The following BAZ2B variants were observed in gnomAD, a reference collection of about 807,000 sequenced individuals.
BAZ2B encodes bromodomain adjacent to zinc finger domain 2B.
A neutral mutation model predicts 246.0 loss-of-function variants in BAZ2B; 91 were observed. The ratio of observed to expected loss-of-function variants is 0.37; its 90% CI spans 0.31 to 0.44. The LOEUF (loss-of-function observed/expected upper bound fraction) is 0.44, where lower values mean the gene tolerates loss of function less well. BAZ2B is among the 20% of genes least tolerant of loss of function. The pLI is 1.00. For synonymous variants in BAZ2B, 855 were observed against 860.0 expected, an observed-to-expected ratio of 0.99 and a Z score of 0.10; for missense variants, 2,332 against 2,533.7, an observed-to-expected ratio of 0.92 and a Z score of 1.71.
At chr2:159,377,812 C>CA (rs35570732) in intron 25 of BAZ2B, among the ~76,000 whole-genome samples, 53 of 94,148 alleles carry the variant, frequency 5.6e-4, no homozygotes, top group African/African-American at 1.7e-3. Flanking sequence ...ACTCTGTCTC[C>CA]AAAAAAAAAA....
At chr2:159,605,617 C>T (rs1023151704) in intron 1 of BAZ2B, among the ~76,000 whole-genome samples, 4 of 151,932 alleles carry the variant, frequency 2.6e-5, no homozygotes, top group Non-Finnish European at 2.9e-5. Context: ...AACAGCTGGG[C>T]CCAGTGGTGC....
intron 3 of BAZ2B, chr2:159,460,133 CAA>C (rs985874030): frequency 6.6e-6 from 1 of 151,952 alleles, no homozygotes; most frequent in Non-Finnish European, 1.5e-5. Context: ...TTCTACTAGC[CAA>C]ATCAAATCAC....
At chr2:159,643,746 G>A in the BAZ2B span, among the ~76,000 whole-genome samples, 1 of 151,612 alleles carries the variant, frequency 6.6e-6, no homozygotes, top group Non-Finnish European at 1.5e-5. Flanking sequence ...TGTGGTGGCG[G>A]GCACCTGTAA....
intron 2 of BAZ2B, among the ~76,000 whole-genome samples, chr2:159,507,822 G>A (rs2082490808): frequency 6.6e-6 from 1 of 152,124 alleles, no homozygotes; most frequent in Non-Finnish European, 1.5e-5. Flanking sequence ...AGATCATGTT[G>A]TTTCAAAATG....
Position 159,409,067 on chromosome 2 carries a change from ATATAT to A in BAZ2B, c.2677+3263_2677+3267del, listed in dbSNP as rs1186566827. Among the ~76,000 whole-genome samples, 4 of 152,048 alleles carry A rather than the reference ATATAT, an allele frequency of 2.6e-5. No individual in the cohort carries two copies. In the East Asian group the frequency reaches 7.7e-4, roughly 29 times the overall value. On this transcript the variant is annotated intron_variant, in intron 14 of 36. Transcript: ENST00000392783. ...TATTTGTTTTTTTTTTGGTTGGTGA[ATATAT>A]TATAATTACCTTTTGAAATACTAAT...
chr2:159,414,559 G>A (rs982663368), intron 13 of BAZ2B, among the ~76,000 whole-genome samples: 4 of 152,018 alleles, frequency 2.6e-5, no homozygotes, highest in African/African-American at 7.2e-5. Flanking sequence ...GCCCACGCCT[G>A]TAATCTCAGC....
the BAZ2B span, among the ~76,000 whole-genome samples, chr2:159,705,452 T>C: frequency 6.6e-6 from 1 of 152,122 alleles, no homozygotes; most frequent in Non-Finnish European, 1.5e-5. Flanking sequence ...TAGTTCTGAA[T>C]AGTTTAGTTT....
At position 159,470,441 on chromosome 2, in the gene BAZ2B, G is replaced by T. The variant is rs192410280; in HGVS notation, c.145+8134C>A. On this transcript the variant is annotated intron_variant, in intron 3 of 36. Transcript: ENST00000392783. Reference sequence around the variant, plus strand: ...ATTCATTAAAGTATACATTTAAAATGGTGAATTATATTGTACATAAATCAC... The same window carrying T: ...ATTCATTAAAGTATACATTTAAAATTGTGAATTATATTGTACATAAATCAC... Among the ~76,000 whole-genome samples, 5 of 152,204 alleles carry T rather than the reference G, an allele frequency of 3.3e-5. No homozygotes were observed. In the East Asian group the frequency reaches 9.7e-4, roughly 29 times the overall value.
chr2:159,643,853 G>A, the BAZ2B span, among the ~76,000 whole-genome samples: 593 of 138,484 alleles, frequency 4.3e-3, 3 homozygotes, highest in African/African-American at 0.015. Context: ...TCCAGCCTGG[G>A]CAACAAGAGT....
the BAZ2B span, among the ~76,000 whole-genome samples, chr2:159,699,512 A>G: frequency 2.6e-4 from 39 of 152,210 alleles, no homozygotes; most frequent in Admixed American, 7.9e-4. Context: ...ACTCCAGCCT[A>G]GGTGACAGAG....
intron 1 of BAZ2B, among the ~76,000 whole-genome samples, chr2:159,579,302 C>T (rs1015432220): frequency 5.3e-5 from 8 of 152,208 alleles, no homozygotes; most frequent in Non-Finnish European, 7.4e-5. Flanking sequence ...AACACCTCTA[C>T]GCAAATAAAC....
At chr2:159,397,478 T>TA (rs2064210768) in intron 18 of BAZ2B, 89 bp from the exon 19 acceptor site, 2 of 800,518 alleles carry the variant, frequency 2.5e-6, no homozygotes, top group Non-Finnish European at 3.9e-6. Flanking sequence ...TGAGATTCTA[T>TA]AGTTTTTCAT....
intron 1 of BAZ2B, among the ~76,000 whole-genome samples, chr2:159,578,205 CTG>C (rs1381357161): frequency 1.3e-5 from 2 of 152,140 alleles, no homozygotes; most frequent in Non-Finnish European, 2.9e-5. Context: ...AAGAAACAGA[CTG>C]TGGTTTCAAT....
the BAZ2B span, among the ~76,000 whole-genome samples, chr2:159,652,555 G>A: frequency 6.6e-6 from 1 of 152,030 alleles, no homozygotes; most frequent in Non-Finnish European, 1.5e-5. Flanking sequence ...GCACAAAGTG[G>A]CATCTCATTG....
At chr2:159,674,347 AAAAG>A in the BAZ2B span, among the ~76,000 whole-genome samples, 1 of 151,256 alleles carries the variant, frequency 6.6e-6, no homozygotes, top group Non-Finnish European at 1.5e-5. Context: ...AAAAAAAAAA[AAAAG>A]AAAGAAAGAA....
rs777986161 is a variant in BAZ2B, at chr2:159,453,623, T to C, written c.324A>G (p.Ala108=). The C allele has an allele frequency of 2.5e-6, 4 of 1,605,574 alleles. No individual in the cohort carries two copies. The highest frequency in any genetic ancestry group is 2.7e-5 in the African/African-American group (2 of 74,668). Residue 108 remains alanine (A), a synonymous_variant, in exon 4 of 37, where the codon GCA becomes GCG. Transcript: ENST00000392783. The part of the protein sequence containing the change: ...PTALAAHPQL[A]SFPGAEWWRT... ...GTAACAGATGTTTACCTGGAAAAGA[T>C]GCTAGTTGGGGATGTGCGGCTAAGG...
the BAZ2B span, among the ~76,000 whole-genome samples, chr2:159,705,977 T>C: frequency 2.1e-5 from 3 of 146,312 alleles, no homozygotes; most frequent in East Asian, 1.9e-4. Flanking sequence ...AAAGGTACTA[T>C]AGAATGAAAA....
intron 22 of BAZ2B, among the ~76,000 whole-genome samples, chr2:159,385,709 C>T (rs2062567765): frequency 6.6e-6 from 1 of 151,940 alleles, no homozygotes; most frequent in African/African-American, 2.4e-5. Context: ...GATATTTTAT[C>T]AGGAATGACA....
chr2:159,613,040 ATAAT>A (rs1350909982), intron 1 of BAZ2B, among the ~76,000 whole-genome samples: 1 of 144,702 alleles, frequency 6.9e-6, no homozygotes, highest in Non-Finnish European at 1.5e-5. Context: ...AATGCTAAAT[ATAAT>A]TACTCAGAGA....
Sources: allele counts gnomAD v4.1 joint callset (sites outside exome capture counted in the v4.1 genomes callset), GRCh38; gene constraint gnomAD v4.1.1; transcripts MANE v1.5; gene names NCBI Gene and HGNC (gene_info 2026-07-23, HGNC 2026-07-21).